TMEM238: variants seen among roughly 807,000 people sequenced by gnomAD.
TMEM238 encodes the protein transmembrane protein 238.
For synonymous variants in TMEM238, 103 were observed against 111.5 expected (o/e 0.92, Z 0.48); for missense variants, 169 against 206.8 (o/e 0.82, Z 1.12).
At chr19:55,380,024 G>T (rs1450930684) in intron 1 of TMEM238, among the ~76,000 whole-genome samples, 1 of 151,908 alleles carries the variant, frequency 6.6e-6, no homozygotes, top group Admixed American at 6.6e-5. Context: ...GGTCTCGGAG[G>T]TTGTGGGGGT....
In TMEM238 at chr19:55,384,037, C is replaced by G. The variant is rs1404463313; in HGVS notation, c.223G>C (p.Gly75Arg). Residue 75 changes from glycine (G) to arginine (R), a missense_variant, in exon 1 of 2, where the codon GGC becomes CGC. Physicochemically the swap from Gly to Arg is moderately radical, Grantham distance 125 (BLOSUM62 -2). Coordinates refer to ENST00000444469, the MANE Select transcript of TMEM238 (RefSeq NM_001190764.2). This position sits in a 1 kb window ranked among gnomAD's most constrained non-coding sequence, Gnocchi z 5.6. ...RDFGDLLIYS[G>R]ALLVFLSLLG... ...AGGCTCAGGAACACCAGCAGCGCGC[C>G]CGAGTAGATGAGCAGGTCCCCGAAG... 2.7e-6 allele frequency: 4 copies of G among 1,484,854 alleles called. No homozygotes were observed. The African/African-American group carries it at 5.7e-5, about 21-fold the overall frequency. 92.0% of individuals were successfully genotyped at this position (1,484,854 alleles called of 1,614,324 possible).
Position 55,384,270 on chromosome 19 carries a change from C to A in TMEM238, c.-11G>T. The A allele has an allele frequency of 9.3e-7, 1 of 1,080,330 alleles. No individual in the cohort carries two copies. The highest frequency in any genetic ancestry group is 4.4e-5 in the South Asian group (1 of 22,950). 66.9% of individuals were successfully genotyped at this position (1,080,330 alleles called of 1,614,324 possible). A position where few individuals can be genotyped will look rare whatever the true frequency, so the allele number is the denominator to read the frequency against. On this transcript the variant is annotated 5_prime_UTR_variant, in exon 1 of 2. Transcript: ENST00000444469. The surrounding 1 kb of genome is among the most constrained non-coding windows in gnomAD (Gnocchi z 5.6). Reference sequence around the variant, plus strand: ...TGGCGCCGCCGCCATGGCCCTGCACCGCCGCCGCTGGCGCCCAGAGAGAGC... The same window carrying A: ...TGGCGCCGCCGCCATGGCCCTGCACAGCCGCCGCTGGCGCCCAGAGAGAGC...
At chr19:55,382,725 CTT>C (rs927557062) in intron 1 of TMEM238, among the ~76,000 whole-genome samples, 2 of 152,132 alleles carry the variant, frequency 1.3e-5, no homozygotes, top group African/African-American at 4.8e-5. Context: ...CACAGCAGGT[CTT>C]TGAGCAGAGG....
Position 55,384,165 on chromosome 19 carries a change from C to A in TMEM238, c.95G>T (p.Gly32Val). 8.1e-7 allele frequency: 1 copy of A among 1,240,220 alleles called. No homozygotes were observed. The highest frequency in any genetic ancestry group is 1.0e-6 in the Non-Finnish European group (1 of 989,316). 76.8% of individuals were successfully genotyped at this position (1,240,220 alleles called of 1,614,324 possible). The part of the protein sequence containing the change: ...AAAPAPAAGL[G>V]RCRMALLLAV... ...CAGCAGCAGCGCCATCCGGCAGCGG[C>A]CCAGGCCGGCCGCGGGTGCTGGCGC... Residue 32 changes from glycine to valine, a missense_variant, in exon 1 of 2, where the codon GGC (glycine) becomes GTC (valine). Transcript: ENST00000444469. This position sits in a 1 kb window ranked among gnomAD's most constrained non-coding sequence, Gnocchi z 5.6.
In TMEM238 at chr19:55,384,036, C is replaced by T. The variant is rs2089898011; in HGVS notation, c.224G>A (p.Gly75Asp). 2.0e-6 allele frequency: 3 copies of T among 1,484,832 alleles called. No homozygotes were observed. The highest frequency in any genetic ancestry group is 2.1e-5 in the Admixed American group (1 of 47,924). The allele number at this position is 1,484,832 out of a possible 1,614,324, so 92.0% of individuals were successfully genotyped here. A position where few individuals can be genotyped will look rare whatever the true frequency, so the allele number is the denominator to read the frequency against. The change falls in exon 1 of 2, where the codon GGC (glycine) becomes GAC (aspartate). Residue 75 changes from glycine (G) to aspartate (D), a missense_variant. Gly to Asp is a moderately conservative substitution (Grantham distance 94, BLOSUM62 -1). Transcript: ENST00000444469. The surrounding 1 kb of genome is among the most constrained non-coding windows in gnomAD (Gnocchi z 5.6). The part of the protein sequence containing the change: ...RDFGDLLIYS[G>D]ALLVFLSLLG... The stretch of plus-strand genomic sequence containing the variant: ...CAGGCTCAGGAACACCAGCAGCGCG[C>T]CCGAGTAGATGAGCAGGTCCCCGAA...
chr19:55,381,193 C>T (rs2089885291), intron 1 of TMEM238, among the ~76,000 whole-genome samples: 1 of 151,808 alleles, frequency 6.6e-6, no homozygotes, highest in Non-Finnish European at 1.5e-5. Context: ...CCGAGGTGGG[C>T]GGATCACCCG....
intron 1 of TMEM238, among the ~76,000 whole-genome samples, chr19:55,381,934 C>G (rs747544273): frequency 6.6e-6 from 1 of 152,134 alleles, no homozygotes; most frequent in Non-Finnish European, 1.5e-5. Flanking sequence ...CAATTCACCA[C>G]CTACCCATAT....
chr19:55,382,896 C>T (rs965547606), intron 1 of TMEM238, among the ~76,000 whole-genome samples: 5 of 152,158 alleles, frequency 3.3e-5, no homozygotes, highest in African/African-American at 1.2e-4. Context: ...TTTCCTAGGC[C>T]TACAGGTCAG....
chr19:55,380,816 C>T (rs1245427569), intron 1 of TMEM238, among the ~76,000 whole-genome samples: 1 of 150,594 alleles, frequency 6.6e-6, no homozygotes, highest in Admixed American at 6.6e-5. Flanking sequence ...TGGCTCACTG[C>T]AGCCTTTGCC....
chr19:55,380,763 G>A, intron 1 of TMEM238, among the ~76,000 whole-genome samples: 1 of 145,106 alleles, frequency 6.9e-6, no homozygotes, highest in East Asian at 2.1e-4. Flanking sequence ...TTTGAGACGG[G>A]TTCTCACTCT....
chr19:55,384,178 C>G lies in TMEM238; in HGVS notation c.82G>C (p.Ala28Pro). ...ATCCGGCAGCGGCCCAGGCCGGCCG[C>G]GGGTGCTGGCGCGGCCGCCGGCGCG... is the stretch of plus-strand genomic sequence containing the variant. ...PSAPAAAPAP[A>P]AGLGRCRMAL... The change falls in exon 1 of 2, where the codon GCG becomes CCG. Residue 28 changes from alanine (A) to proline (P), a missense_variant. By Grantham distance (27) the Ala-to-Pro change is conservative (BLOSUM62 -1). Transcript: ENST00000444469. The surrounding 1 kb of genome is among the most constrained non-coding windows in gnomAD (Gnocchi z 5.6). The G allele has an allele frequency of 8.5e-7, 1 of 1,180,010 alleles. No individual in the cohort carries two copies. Among genetic ancestry groups the G allele is most frequent in the Non-Finnish European group, 1.0e-6 (1 of 959,046 alleles). 73.1% of individuals were successfully genotyped at this position (1,180,010 alleles called of 1,614,324 possible). A position where few individuals can be genotyped will look rare whatever the true frequency, so the allele number is the denominator to read the frequency against.
Position 55,384,002 on chromosome 19 carries a change from C to A in TMEM238, c.258G>T (p.Trp86Cys). ...ALLVFLSLLG[W>C]ILWYTGNIEI... ...CGATGTTGCCGGTGTACCAGAGGATCCAGCCCAGCAGGCTCAGGAACACCA... is the reference window on the plus strand; with the variant it reads ...CGATGTTGCCGGTGTACCAGAGGATACAGCCCAGCAGGCTCAGGAACACCA... The change falls in exon 1 of 2, where the codon TGG (tryptophan) becomes TGT (cysteine). Residue 86 changes from tryptophan to cysteine, a missense_variant. By Grantham distance (215) the Trp-to-Cys change is radical. Coordinates refer to ENST00000444469, the MANE Select transcript of TMEM238 (RefSeq NM_001190764.2). The surrounding 1 kb of genome is among the most constrained non-coding windows in gnomAD (Gnocchi z 5.6). 6.8e-7 allele frequency: 1 copy of A among 1,463,744 alleles called. No individual in the cohort carries two copies. Among genetic ancestry groups the A allele is most frequent in the East Asian group, 2.8e-5 (1 of 35,614 alleles). The allele number at this position is 1,463,744 out of a possible 1,614,324, so 90.7% of individuals were successfully genotyped here. A position where few individuals can be genotyped will look rare whatever the true frequency, so the allele number is the denominator to read the frequency against.
At chr19:55,380,987 C>A (rs1054740316) in intron 1 of TMEM238, among the ~76,000 whole-genome samples, 19 of 152,184 alleles carry the variant, frequency 1.2e-4, no homozygotes, top group African/African-American at 4.1e-4. Context: ...ACGCTTCACC[C>A]GTGCAAGCAG....
Position 55,383,809 on chromosome 19 carries a change from C to T in TMEM238, c.451G>A (p.Ala151Thr). 2 of 406,106 alleles carry T rather than the reference C, an allele frequency of 4.9e-6. No individual in the cohort carries two copies. Among genetic ancestry groups the T allele is most frequent in the Non-Finnish European group, 6.6e-6 (2 of 304,350 alleles). 25.2% of individuals were successfully genotyped at this position (406,106 alleles called of 1,614,324 possible). The part of the protein sequence containing the change: ...RRAARAPPPP[A>T]AGSRRVRLQL... ...AGGCGCACGCGGCGGGAGCCGGCGG[C>T]GGGCGGCGGGGGCGCGCGGGCGGCT... Residue 151 changes from alanine (A) to threonine (T), a missense_variant, in exon 1 of 2, where the codon GCC (alanine) becomes ACC (threonine). Ala to Thr is a moderately conservative substitution (Grantham distance 58). Coordinates refer to ENST00000444469, the MANE Select transcript of TMEM238 (RefSeq NM_001190764.2). The surrounding 1 kb of genome is among the most constrained non-coding windows in gnomAD (Gnocchi z 4.9).
chr19:55,382,354 C>A (rs1011417026), intron 1 of TMEM238, among the ~76,000 whole-genome samples: 1 of 152,216 alleles, frequency 6.6e-6, no homozygotes, highest in African/African-American at 2.4e-5. Context: ...ATGCTAGGAA[C>A]AAGGACGCTA....
chr19:55,384,208 G>A lies in TMEM238; in HGVS notation c.52C>T (p.Pro18Ser). ...CASQGSPPGAPSAPAAAPAPA... is the reference protein window; with the variant it reads ...CASQGSPPGASSAPAAAPAPA... The stretch of plus-strand genomic sequence containing the variant: ...GCTGGCGCGGCCGCCGGCGCGGACG[G>A]TGCACCCGGCGGGCTCCCCTGCGAG... The change falls in exon 1 of 2, where the codon CCG becomes TCG. Residue 18 changes from proline (P) to serine (S), a missense_variant. Pro to Ser is a moderately conservative substitution (Grantham distance 74). Transcript: ENST00000444469. This position sits in a 1 kb window ranked among gnomAD's most constrained non-coding sequence, Gnocchi z 5.6. 8.6e-7 allele frequency: 1 copy of A among 1,166,038 alleles called. No homozygotes were observed. The highest frequency in any genetic ancestry group is 1.1e-6 in the Non-Finnish European group (1 of 950,124). The allele number at this position is 1,166,038 out of a possible 1,614,324, so 72.2% of individuals were successfully genotyped here.
At chr19:55,379,592 T>C (rs544265345) in intron 1 of TMEM238, among the ~76,000 whole-genome samples, 2 of 151,948 alleles carry the variant, frequency 1.3e-5, no homozygotes, top group African/African-American at 2.4e-5. Flanking sequence ...GGCCAGGGAA[T>C]GCGAGCCAGG....
chr19:55,379,584 C>T (rs1380979215), intron 1 of TMEM238, among the ~76,000 whole-genome samples: 1 of 151,992 alleles, frequency 6.6e-6, no homozygotes, highest in Non-Finnish European at 1.5e-5. Flanking sequence ...AGGGTAGAGG[C>T]CAGGGAATGC....
chr19:55,381,566 C>T (rs937564951), intron 1 of TMEM238, among the ~76,000 whole-genome samples: 8 of 152,110 alleles, frequency 5.3e-5, no homozygotes, highest in Admixed American at 4.6e-4. Context: ...CATTCATCCA[C>T]TCATCTGTGT....
Sources: allele counts gnomAD v4.1 joint callset (sites outside exome capture counted in the v4.1 genomes callset), GRCh38; gene constraint gnomAD v4.1.1; non-coding constraint Gnocchi (gnomAD v3.1); transcripts MANE v1.5; gene names NCBI Gene and HGNC (gene_info 2026-07-23, HGNC 2026-07-21).